The following ZNF257 variants were observed in gnomAD, a reference collection of about 807,000 sequenced individuals.
ZNF257 encodes zinc finger protein 257.
A neutral mutation model predicts 11.9 loss-of-function variants in ZNF257; 12 were observed. The ratio of observed to expected loss-of-function variants is 1.01; its 90% CI spans 0.65 to 1.63. ZNF257 has a LOEUF of 1.63. Among genes scored for constraint, ZNF257 ranks in the 40% most tolerant of loss-of-function variants. The probability of loss-of-function intolerance (pLI) is 0.00; values close to 1 mark genes in which losing one functional copy is unlikely to be tolerated. For synonymous variants in ZNF257, 183 were observed against 222.7 expected, an observed-to-expected ratio of 0.82 and a Z score of 1.59; for missense variants, 580 against 665.5, an observed-to-expected ratio of 0.87 and a Z score of 1.41.
At chr19:22,068,246 C>G (rs1231336072) in intron 1 of ZNF257, among the ~76,000 whole-genome samples, 2 of 149,462 alleles carry the variant, frequency 1.3e-5, no homozygotes, top group African/African-American at 4.9e-5. Flanking sequence ...TCTTTGCTCC[C>G]AGGTTACAGT....
chr19:22,055,909 GC>G (rs1398360420), intron 1 of ZNF257, among the ~76,000 whole-genome samples: 2 of 151,928 alleles, frequency 1.3e-5, no homozygotes, highest in East Asian at 3.9e-4. Flanking sequence ...AAAAAAATTA[GC>G]CGGGCGATGT....
Position 22,090,117 on chromosome 19 carries a change from A to G in ZNF257, c.*675A>G, listed in dbSNP as rs981854831. The G allele has an allele frequency of 5.9e-5, 9 of 152,330 alleles. No homozygotes were observed. Among genetic ancestry groups the G allele is most frequent in the Non-Finnish European group, 1.2e-4 (8 of 68,176 alleles). The allele number at this position is 152,330 out of a possible 1,614,324, so 9.4% of individuals were successfully genotyped here. A position where few individuals can be genotyped will look rare whatever the true frequency, so the allele number is the denominator to read the frequency against. The stretch of plus-strand genomic sequence containing the variant: ...AGTTGAGAAATGGTGTACAAATATA[A>G]AGAATGTGGAAAAGTCATTAATATT... On this transcript the variant is annotated 3_prime_UTR_variant, in exon 4 of 4. Coordinates refer to ENST00000594947, the MANE Select transcript of ZNF257 (RefSeq NM_033468.4).
chr19:22,078,106 C>T (rs966695517), intron 3 of ZNF257, among the ~76,000 whole-genome samples: 4 of 151,134 alleles, frequency 2.6e-5, no homozygotes, highest in African/African-American at 4.9e-5. Flanking sequence ...GGCGTGGTGG[C>T]GGGCGCCTGT....
intron 3 of ZNF257, 122 bp from the exon 4 acceptor site, chr19:22,087,855 C>A: frequency 1.1e-6 from 1 of 897,298 alleles, no homozygotes; most frequent in Non-Finnish European, 1.5e-6. Context: ...TAAATTAGAG[C>A]CTGTGGTATT....
At chr19:22,057,731 A>C (rs898679803) in intron 1 of ZNF257, among the ~76,000 whole-genome samples, 2 of 152,164 alleles carry the variant, frequency 1.3e-5, no homozygotes, top group Non-Finnish European at 2.9e-5. Flanking sequence ...AGAAAGTGTG[A>C]GGGAAATGGG....
intron 1 of ZNF257, among the ~76,000 whole-genome samples, chr19:22,060,047 C>T (rs938738436): frequency 6.6e-6 from 1 of 152,162 alleles, no homozygotes; most frequent in African/African-American, 2.4e-5. Context: ...TTTTCTTTAT[C>T]CAGTCTACCA....
Position 22,089,683 on chromosome 19 carries a change from A to T in ZNF257, c.*241A>T. On this transcript the variant is annotated 3_prime_UTR_variant, in exon 4 of 4. Transcript: ENST00000594947. ...TTCTCAACTCTTACTAAACATGAGA[A>T]CACATGTGGAAGATAAAGCCTACAA... 5.1e-6 allele frequency: 5 copies of T among 981,236 alleles called. No homozygotes were observed. The highest frequency in any genetic ancestry group is 7.0e-6 in the Non-Finnish European group (5 of 710,636). The allele number at this position is 981,236 out of a possible 1,614,324, so 60.8% of individuals were successfully genotyped here. A position where few individuals can be genotyped will look rare whatever the true frequency, so the allele number is the denominator to read the frequency against.
intron 3 of ZNF257, 109 bp downstream of exon 3, chr19:22,073,673 T>G: frequency 1.4e-6 from 2 of 1,384,548 alleles, no homozygotes; most frequent in Non-Finnish European, 1.9e-6. Context: ...TTCCAAGGGA[T>G]ATAGTTTCTG....
At chr19:22,079,879 T>TA (rs143284108) in intron 3 of ZNF257, among the ~76,000 whole-genome samples, 19,742 of 152,270 alleles carry the variant, frequency 0.13, 1,486 homozygotes, top group Middle Eastern at 0.21. Flanking sequence ...TTTATATATT[T>TA]AGTTTTATAT....
intron 1 of ZNF257, among the ~76,000 whole-genome samples, chr19:22,056,040 G>A (rs1461865108): frequency 8.6e-6 from 1 of 116,860 alleles, no homozygotes; most frequent in South Asian, 3.0e-4. Flanking sequence ...GGGCGACAGA[G>A]CGAGACTCCG....
intron 1 of ZNF257, chr19:22,064,075 T>G (rs1443451260): frequency 6.6e-6 from 1 of 151,866 alleles, no homozygotes; most frequent in Non-Finnish European, 1.5e-5. Context: ...TTTTTCCCCA[T>G]AAGCATTATT....
At chr19:22,054,548 C>T (rs1271408145) in intron 1 of ZNF257, among the ~76,000 whole-genome samples, 2 of 152,196 alleles carry the variant, frequency 1.3e-5, no homozygotes, top group African/African-American at 4.8e-5. Context: ...ATCAATTATT[C>T]ATCCTTTAGT....
chr19:22,070,303 C>T (rs1464740820), intron 1 of ZNF257, among the ~76,000 whole-genome samples: 2 of 148,620 alleles, frequency 1.3e-5, no homozygotes, highest in Non-Finnish European at 3.0e-5. Context: ...CTTTATCCCT[C>T]TCATCTATCT....
intron 3 of ZNF257, among the ~76,000 whole-genome samples, chr19:22,080,111 CTGGGACTA>C: frequency 6.6e-6 from 1 of 152,208 alleles, no homozygotes; most frequent in East Asian, 1.9e-4. Context: ...TCCCTAGTAG[CTGGGACTA>C]TAGACATGCA....
At chr19:22,071,710 A>G (rs2145701587) in intron 1 of ZNF257, among the ~76,000 whole-genome samples, 1 of 152,270 alleles carries the variant, frequency 6.6e-6, no homozygotes. Flanking sequence ...TATGCCACGC[A>G]GAATTTTCTT....
chr19:22,069,779 T>C (rs1276187484), intron 1 of ZNF257, among the ~76,000 whole-genome samples: 2 of 148,926 alleles, frequency 1.3e-5, no homozygotes, highest in Non-Finnish European at 3.0e-5. Flanking sequence ...AAGATATTTG[T>C]TTAAATGGAT....
intron 3 of ZNF257, among the ~76,000 whole-genome samples, chr19:22,073,828 AAG>A (rs2022166247): frequency 6.6e-6 from 1 of 152,100 alleles, no homozygotes; most frequent in Non-Finnish European, 1.5e-5. Flanking sequence ...CATGGCATAT[AAG>A]AGACTGCATA....
intron 1 of ZNF257, among the ~76,000 whole-genome samples, chr19:22,064,776 C>T (rs1487778809): frequency 6.6e-6 from 1 of 152,148 alleles, no homozygotes; most frequent in Non-Finnish European, 1.5e-5. Flanking sequence ...CTATTTTCAG[C>T]CAGGCATGGT....
At chr19:22,075,013 A>G (rs192917123) in intron 3 of ZNF257, among the ~76,000 whole-genome samples, 2 of 152,304 alleles carry the variant, frequency 1.3e-5, no homozygotes, top group Admixed American at 6.5e-5. Context: ...CACCTCTTCA[A>G]GTTTCTATAA....
Sources: allele counts gnomAD v4.1 joint callset (sites outside exome capture counted in the v4.1 genomes callset), GRCh38; gene constraint gnomAD v4.1.1; transcripts MANE v1.5; gene names NCBI Gene and HGNC (gene_info 2026-07-23, HGNC 2026-07-21).